The following AUTS2 variants were observed in gnomAD, a reference collection of about 807,000 sequenced individuals.
AUTS2 encodes activator of transcription and developmental regulator AUTS2, also known as autism susceptibility gene 2 protein.
AUTS2 carries 17 observed loss-of-function variants against 112.4 expected under a neutral mutation model. The ratio of observed to expected loss-of-function variants is 0.15; its 90% CI spans 0.10 to 0.23. AUTS2 has a LOEUF of 0.23. Among genes scored for constraint, AUTS2 ranks in the 10% least tolerant of loss-of-function variants. The pLI is 1.00. For missense variants in AUTS2, 1,510 were observed against 1,701.6 expected, an observed-to-expected ratio of 0.89 and a Z score of 1.98; for synonymous variants, 751 against 702.7, an observed-to-expected ratio of 1.07 and a Z score of -1.09.
At chr7:70,048,037 C>A (rs1416560464) in intron 2 of AUTS2, among the ~76,000 whole-genome samples, 1 of 152,164 alleles carries the variant, frequency 6.6e-6, no homozygotes, top group African/African-American at 2.4e-5. Flanking sequence ...TAGTCATGAT[C>A]TAAAGGTGAT....
At chr7:70,644,778 C>G (rs1249651842) in intron 5 of AUTS2, among the ~76,000 whole-genome samples, 2 of 152,166 alleles carry the variant, frequency 1.3e-5, no homozygotes, top group Non-Finnish European at 2.9e-5. Flanking sequence ...ACATTTATCC[C>G]CAGAAGTGCT....
chr7:70,724,444 T>TG (rs1491398748), intron 6 of AUTS2, among the ~76,000 whole-genome samples: 1 of 56,024 alleles, frequency 1.8e-5, no homozygotes, highest in Non-Finnish European at 3.7e-5. Flanking sequence ...TCATCCTGAC[T>TG]TTTTTTTTTT....
At chr7:70,670,057 G>A (rs1464252421) in intron 5 of AUTS2, among the ~76,000 whole-genome samples, 3 of 152,156 alleles carry the variant, frequency 2.0e-5, no homozygotes, top group Non-Finnish European at 4.4e-5. Context: ...TTCACTGTAG[G>A]CGCACCTCAG....
chr7:70,255,891 G>T (rs1008798109), intron 4 of AUTS2, among the ~76,000 whole-genome samples: 1 of 152,140 alleles, frequency 6.6e-6, no homozygotes, highest in African/African-American at 2.4e-5. Context: ...TTAATCATTG[G>T]GTTATGGTTT....
At chr7:70,317,877 A>G (rs1487825684) in intron 4 of AUTS2, among the ~76,000 whole-genome samples, 3 of 152,144 alleles carry the variant, frequency 2.0e-5, no homozygotes. Flanking sequence ...GATTGTATCA[A>G]TGTAGGTTTT....
At chr7:70,162,997 A>T in intron 4 of AUTS2, among the ~76,000 whole-genome samples, 1 of 152,080 alleles carries the variant, frequency 6.6e-6, no homozygotes, top group Non-Finnish European at 1.5e-5. Context: ...ATGTTATACT[A>T]GGTGGGGAGA....
chr7:70,727,306 C>G (rs569999115), intron 6 of AUTS2, among the ~76,000 whole-genome samples: 1 of 152,264 alleles, frequency 6.6e-6, no homozygotes, highest in South Asian at 2.1e-4. Context: ...GGACCACAGC[C>G]GTGTTTGTTA....
At chr7:70,589,400 A>G (rs34046966) in intron 5 of AUTS2, among the ~76,000 whole-genome samples, 17,635 of 66,770 alleles carry the variant, frequency 0.26, 1,950 homozygotes, top group African/African-American at 0.45. Context: ...ACCCCCTGGG[A>G]AAAAAAATGA....
intron 2 of AUTS2, among the ~76,000 whole-genome samples, chr7:70,064,274 G>A (rs1802388988): frequency 6.6e-6 from 1 of 152,122 alleles, no homozygotes; most frequent in South Asian, 2.1e-4. Flanking sequence ...ATCATTGTCT[G>A]TGTACTGTGA....
At position 70,244,307 on chromosome 7, in the gene AUTS2, A is replaced by G. The variant is rs186727334; in HGVS notation, c.660+109736A>G. The stretch of plus-strand genomic sequence containing the variant: ...ACTAATAATTTGAATATACTTTACT[A>G]TTATTAAGAACTCTTTGTTAAAGAT... On this transcript the variant is annotated intron_variant, in intron 4 of 18. Transcript: ENST00000342771. Among the ~76,000 whole-genome samples the G allele has an allele frequency of 2.4e-3, 364 of 152,300 alleles. 2 individuals carry two copies. Among genetic ancestry groups the G allele is most frequent in the Non-Finnish European group, 2.2e-3 (149 of 68,016 alleles).
In AUTS2 at chr7:70,762,816, T is replaced by C. The variant is rs12698935; in HGVS notation, c.743-54T>C. On this transcript the variant is annotated intron_variant, in intron 6 of 18. Transcript: ENST00000342771. Reference sequence around the variant, plus strand: ...CCTTGGAGTTTCCTTTCCCTCCTTATGCCACACTCGCATGTCATTGCCTGT... The same window carrying C: ...CCTTGGAGTTTCCTTTCCCTCCTTACGCCACACTCGCATGTCATTGCCTGT... The C allele has an allele frequency of 0.057, 74,733 of 1,309,440 alleles. 3,381 individuals carry two copies. Among genetic ancestry groups the C allele is most frequent in the African/African-American group, 0.21 (14,475 of 68,898 alleles). The allele number at this position is 1,309,440 out of a possible 1,614,324, so 81.1% of individuals were successfully genotyped here. A position where few individuals can be genotyped will look rare whatever the true frequency, so the allele number is the denominator to read the frequency against.
intron 2 of AUTS2, among the ~76,000 whole-genome samples, chr7:70,056,962 T>C (rs1409758140): frequency 1.3e-5 from 2 of 152,206 alleles, no homozygotes; most frequent in Non-Finnish European, 2.9e-5. Flanking sequence ...TTGCTGATAA[T>C]ATTTTCTCCC....
intron 1 of AUTS2, among the ~76,000 whole-genome samples, chr7:69,610,864 T>C (rs1380277305): frequency 6.6e-6 from 1 of 152,180 alleles, no homozygotes; most frequent in Admixed American, 6.5e-5. Context: ...GACAGTTCAG[T>C]TTTAAAATTG....
intron 4 of AUTS2, among the ~76,000 whole-genome samples, chr7:70,253,166 T>A (rs1358808343): frequency 6.6e-6 from 1 of 152,192 alleles, no homozygotes; most frequent in Non-Finnish European, 1.5e-5. Context: ...AACCTAGTGA[T>A]GTGCTCATGT....
At chr7:70,060,680 A>G (rs1354589364) in intron 2 of AUTS2, among the ~76,000 whole-genome samples, 1 of 152,220 alleles carries the variant, frequency 6.6e-6, no homozygotes, top group African/African-American at 2.4e-5. Context: ...GCAGAAAAGA[A>G]TGGTTTAAGA....
intron 4 of AUTS2, among the ~76,000 whole-genome samples, chr7:70,311,540 G>T (rs1789750752): frequency 6.6e-6 from 1 of 152,070 alleles, no homozygotes; most frequent in African/African-American, 2.4e-5. Flanking sequence ...TCTTTTTGTT[G>T]TTGTTTTTTG....
chr7:69,763,268 A>G (rs551965522), intron 1 of AUTS2, among the ~76,000 whole-genome samples: 11 of 152,330 alleles, frequency 7.2e-5, no homozygotes, highest in African/African-American at 1.9e-4. Context: ...CTGTCACTCA[A>G]TGATGCGTTG....
At chr7:70,333,360 G>T (rs1041025145) in intron 4 of AUTS2, among the ~76,000 whole-genome samples, 2 of 152,208 alleles carry the variant, frequency 1.3e-5, no homozygotes, top group Non-Finnish European at 2.9e-5. Flanking sequence ...CTGTTGGTGG[G>T]AGTGTAACTT....
In AUTS2 at chr7:69,789,265, TA is replaced by T. The variant is rs920851944; in HGVS notation, c.310-110013del. On this transcript the variant is annotated intron_variant, in intron 1 of 18. Coordinates refer to ENST00000342771, the MANE Select transcript of AUTS2 (RefSeq NM_015570.4). ...CACATCAGAATTACGTGGGGGCACT[TA>T]AAAAAAATGTATGCCCAGGCTGCAT... Among the ~76,000 whole-genome samples, 4 of 151,912 alleles carry T rather than the reference TA, an allele frequency of 2.6e-5. No individual in the cohort carries two copies. The East Asian group carries it at 5.8e-4, about 22-fold the overall frequency.
Sources: allele counts gnomAD v4.1 joint callset (sites outside exome capture counted in the v4.1 genomes callset), GRCh38; gene constraint gnomAD v4.1.1; transcripts MANE v1.5; gene names NCBI Gene and HGNC (gene_info 2026-07-23, HGNC 2026-07-21).